NETO1: variants seen among roughly 807,000 people sequenced by gnomAD.
NETO1 encodes the protein neuropilin and tolloid like 1.
Under a neutral mutation model 61.3 loss-of-function variants are expected in NETO1, and 26 were observed. That is an observed-to-expected ratio of 0.42 (90% CI 0.31 to 0.59). NETO1 has a LOEUF of 0.59. Among genes scored for constraint, NETO1 ranks in the 20% least tolerant of loss-of-function variants. The probability of loss-of-function intolerance (pLI) is 0.12; values close to 1 mark genes in which losing one functional copy is unlikely to be tolerated. For missense variants in NETO1, 531 were observed against 662.8 expected, an observed-to-expected ratio of 0.80 and a Z score of 2.18; for synonymous variants, 225 against 225.8, an observed-to-expected ratio of 1.00 and a Z score of 0.03.
At chr18:72,784,014 C>G in intron 6 of NETO1, 108 bp from the exon 7 acceptor site, 1 of 715,476 alleles carries the variant, frequency 1.4e-6, no homozygotes, top group Non-Finnish European at 2.4e-6. Flanking sequence ...TGATTGCAAT[C>G]AATCTTATTA....
intron 4 of NETO1, among the ~76,000 whole-genome samples, chr18:72,815,328 T>A (rs1165801774): frequency 6.6e-6 from 1 of 152,088 alleles, no homozygotes; most frequent in African/African-American, 2.4e-5. Flanking sequence ...AATTAGGAAT[T>A]TTCAACCTCC....
intron 4 of NETO1, among the ~76,000 whole-genome samples, chr18:72,809,113 C>T (rs935155846): frequency 3.3e-5 from 5 of 152,204 alleles, no homozygotes; most frequent in African/African-American, 1.2e-4. Flanking sequence ...TTCTAGCCAT[C>T]ACTCTGCTCG....
chr18:72,858,457 T>G (rs1211778246), intron 4 of NETO1, among the ~76,000 whole-genome samples: 1 of 152,208 alleles, frequency 6.6e-6, no homozygotes, highest in African/African-American at 2.4e-5. Context: ...AAGATCATTT[T>G]GGTGGATATA....
At chr18:72,834,238 T>C in intron 4 of NETO1, 1 of 720,844 alleles carries the variant, frequency 1.4e-6, no homozygotes, top group Non-Finnish European at 1.7e-6. Flanking sequence ...GCAAAATAAG[T>C]TTTAACTATC....
intron 4 of NETO1, among the ~76,000 whole-genome samples, chr18:72,806,069 G>C (rs1028983948): frequency 2.0e-5 from 3 of 151,926 alleles, no homozygotes; most frequent in African/African-American, 7.3e-5. Flanking sequence ...TAGGCTTCGT[G>C]GGGGGTGGGT....
At chr18:72,858,791 A>G (rs1284585695) in intron 4 of NETO1, 35 bp downstream of exon 4, 15 of 1,556,682 alleles carry the variant, frequency 9.6e-6, no homozygotes, top group Non-Finnish European at 1.2e-5. Context: ...AAAATGAGGA[A>G]GAAAAAGAAA....
chr18:72,812,052 T>C (rs1048371918), intron 4 of NETO1, among the ~76,000 whole-genome samples: 1 of 152,234 alleles, frequency 6.6e-6, no homozygotes, highest in African/African-American at 2.4e-5. Flanking sequence ...ATTGTAAGTG[T>C]GATGCTAACA....
intron 7 of NETO1, among the ~76,000 whole-genome samples, chr18:72,772,462 T>G (rs899999275): frequency 2.0e-5 from 3 of 151,984 alleles, no homozygotes; most frequent in African/African-American, 7.3e-5. Context: ...GGGTACAGTT[T>G]CTCTCCGTGT....
chr18:72,771,575 T>C lies in NETO1; in HGVS notation c.868+12103A>G, dbSNP rs569172263. Among the ~76,000 whole-genome samples, 10 of 152,216 alleles carry C rather than the reference T, an allele frequency of 6.6e-5. No homozygotes were observed. The South Asian group carries it at 2.1e-3, about 32-fold the overall frequency. On this transcript the variant is annotated intron_variant, in intron 7 of 10. Coordinates refer to ENST00000327305, the MANE Select transcript of NETO1 (RefSeq NM_138966.5). ...AAGAATGAAAGGAGGAATATAAATA[T>C]GTATCAAAATGAAAAGTTATTAATG...
At chr18:72,796,641 T>C (rs1425202479) in intron 4 of NETO1, among the ~76,000 whole-genome samples, 5 of 152,146 alleles carry the variant, frequency 3.3e-5, no homozygotes, top group South Asian at 2.1e-4. Context: ...TGTGCCCAGC[T>C]AATTTTTTGT....
intron 4 of NETO1, among the ~76,000 whole-genome samples, chr18:72,818,448 G>C (rs1283193508): frequency 6.6e-6 from 1 of 152,184 alleles, no homozygotes; most frequent in African/African-American, 2.4e-5. Context: ...CACTGTGGAG[G>C]ATTCTAACCT....
intron 8 of NETO1, among the ~76,000 whole-genome samples, chr18:72,753,428 T>C (rs2070688936): frequency 2.0e-5 from 3 of 152,114 alleles, no homozygotes; most frequent in South Asian, 2.1e-4. Context: ...CAGATACCTG[T>C]CAACCAAAAA....
In NETO1 at chr18:72,864,920, C is replaced by A; in HGVS notation, c.108G>T (p.Gln36His). 1 of 1,598,414 alleles carries A rather than the reference C, an allele frequency of 6.3e-7. No homozygotes were observed. Among genetic ancestry groups the A allele is most frequent in the Non-Finnish European group, 8.5e-7 (1 of 1,176,472 alleles). Residue 36 changes from glutamine to histidine, a missense_variant, in exon 3 of 11, where the codon CAG becomes CAT. Coordinates refer to ENST00000327305, the MANE Select transcript of NETO1 (RefSeq NM_138966.5). ...GTEKQTTSET[Q>H]KSVQCGTWTK... Reference sequence around the variant, plus strand: ...TCCAAGTTCCACACTGCACTGACTTCTGTGTTTCTGAGGTGGTTTGCTTTT... The same window carrying A: ...TCCAAGTTCCACACTGCACTGACTTATGTGTTTCTGAGGTGGTTTGCTTTT...
chr18:72,793,490 CA>C lies in NETO1; in HGVS notation c.639+626del, dbSNP rs11331971. Among the ~76,000 whole-genome samples the C allele has an allele frequency of 9.2e-3, 1,393 of 152,194 alleles. 25 individuals carry two copies. The highest frequency in any genetic ancestry group is 0.033 in the African/African-American group (1,354 of 41,506). ...ATTTTTATAATGTATTGCCAACTCT[CA>C]AAAGTCAGGGTGATCAACATAAAAT... On this transcript the variant is annotated intron_variant, in intron 6 of 10. Coordinates refer to ENST00000327305, the MANE Select transcript of NETO1 (RefSeq NM_138966.5).
intron 4 of NETO1, among the ~76,000 whole-genome samples, chr18:72,843,596 T>G (rs1223255840): frequency 6.6e-6 from 1 of 152,128 alleles, no homozygotes; most frequent in East Asian, 1.9e-4. Flanking sequence ...AGCTCATGTG[T>G]ACCCTTGTGC....
intron 4 of NETO1, among the ~76,000 whole-genome samples, chr18:72,827,806 T>TGAAAGG (rs1451374943): frequency 4.6e-5 from 7 of 152,132 alleles, no homozygotes; most frequent in Non-Finnish European, 1.0e-4. Context: ...ACAGTTGCTC[T>TGAAAGG]GACTTACGAC....
intron 7 of NETO1, among the ~76,000 whole-genome samples, chr18:72,782,581 G>A (rs956848066): frequency 2.6e-5 from 4 of 151,938 alleles, no homozygotes; most frequent in Non-Finnish European, 4.4e-5. Flanking sequence ...GAGGCAGGCC[G>A]ATCACCTGAG....
At chr18:72,779,730 C>T (rs1445840381) in intron 7 of NETO1, among the ~76,000 whole-genome samples, 4 of 152,098 alleles carry the variant, frequency 2.6e-5, no homozygotes. Flanking sequence ...TTAGCCAATG[C>T]AATAAAAAGT....
intron 4 of NETO1, among the ~76,000 whole-genome samples, chr18:72,801,750 G>A (rs2072514408): frequency 1.3e-5 from 2 of 152,204 alleles, no homozygotes; most frequent in Non-Finnish European, 2.9e-5. Flanking sequence ...TATCTAATTT[G>A]AAATCTTTTG....
Sources: gnomAD v4.1 joint callset for allele counts (sites outside exome capture counted in the v4.1 genomes callset) on GRCh38, gnomAD v4.1.1 for gene constraint, MANE v1.5 for transcripts, NCBI Gene and HGNC (gene_info 2026-07-23, HGNC 2026-07-21) for gene names.